The following NID2 variants were observed in gnomAD, a reference collection of about 807,000 sequenced individuals.
The protein encoded by NID2 is nidogen-2.
A neutral mutation model predicts 145.4 loss-of-function variants in NID2; 83 were observed. The observed-to-expected ratio is 0.57, with a 90% CI of 0.48 to 0.69. The LOEUF (loss-of-function observed/expected upper bound fraction) is 0.69. Ranked by LOEUF, NID2 falls within the 30% of genes least tolerant of loss-of-function variation. NID2 has a pLI of 0.00. For synonymous variants in NID2, 739 were observed against 701.3 expected, an observed-to-expected ratio of 1.05 and a Z score of -0.85; for missense variants, 1,807 against 1,765.7, an observed-to-expected ratio of 1.02 and a Z score of -0.42.
At chr14:52,043,083 G>T in intron 5 of NID2, 152 bp from the exon 6 acceptor site, 1 of 718,482 alleles carries the variant, frequency 1.4e-6, no homozygotes, top group Non-Finnish European at 2.3e-6. Context: ...CAACCCAAGG[G>T]AATTAATCTG....
intron 9 of NID2, among the ~76,000 whole-genome samples, chr14:52,031,349 C>T (rs186466105): frequency 5.2e-4 from 79 of 152,290 alleles, no homozygotes; most frequent in Admixed American, 3.3e-3. Context: ...CAGGTCTACC[C>T]AGTCTCTACT....
At position 52,019,133 on chromosome 14, in the gene NID2, G is replaced by T; in HGVS notation, c.2956C>A (p.Pro986Thr). The T allele has an allele frequency of 1.9e-6, 3 of 1,614,110 alleles. No individual in the cohort carries two copies. The highest frequency in any genetic ancestry group is 2.5e-6 in the Non-Finnish European group (3 of 1,180,010). The change falls in exon 14 of 22, where the codon CCT becomes ACT. Residue 986 changes from proline to threonine, a missense_variant. By Grantham distance (38) the Pro-to-Thr change is conservative. Transcript: ENST00000216286. ...GSTGFCWCVD[P>T]DGHEVPGTQT... ...GTACCAGGAACTTCATGACCATCAG[G>T]GTCCACGCACCAGCAGAAACCAGTG... is the stretch of plus-strand genomic sequence containing the variant.
At chr14:52,063,124 A>C (rs1893066335) in intron 2 of NID2, among the ~76,000 whole-genome samples, 1 of 152,338 alleles carries the variant, frequency 6.6e-6, no homozygotes, top group South Asian at 2.1e-4. Flanking sequence ...CACTTCATGA[A>C]GTCTTGAAGG....
intron 13 of NID2, 136 bp from the exon 14 acceptor site, chr14:52,019,430 G>T: frequency 1.6e-6 from 1 of 640,102 alleles, no homozygotes; most frequent in South Asian, 2.3e-5. Context: ...ATAATACCTT[G>T]CCACTATTTA....
In NID2 at chr14:52,069,008, TG is replaced by T; in HGVS notation, c.-15del. The T allele has an allele frequency of 6.3e-7, 1 of 1,591,988 alleles. No individual in the cohort carries two copies. ...GTCCCCCTCCATGCTCGCTCGGCCGTGCGCTTACCCGCTGCACAACGCGTCC... is the reference window on the plus strand; with the variant it reads ...GTCCCCCTCCATGCTCGCTCGGCCGTCGCTTACCCGCTGCACAACGCGTCC... On this transcript the variant is annotated 5_prime_UTR_variant, in exon 1 of 22. Transcript: ENST00000216286.
intron 6 of NID2, 72 bp downstream of exon 6, chr14:52,042,710 C>T: frequency 6.7e-7 from 1 of 1,493,786 alleles, no homozygotes; most frequent in South Asian, 1.2e-5. Flanking sequence ...TAAAGCAGAG[C>T]TCACAGTGGT....
intron 5 of NID2, among the ~76,000 whole-genome samples, chr14:52,047,363 C>T (rs547600778): frequency 6.6e-6 from 1 of 152,072 alleles, no homozygotes; most frequent in African/African-American, 2.4e-5. Context: ...GTGAACCCCA[C>T]AGATGAGGGC....
intron 5 of NID2, among the ~76,000 whole-genome samples, chr14:52,044,741 T>A (rs960554023): frequency 5.3e-5 from 8 of 151,940 alleles, no homozygotes; most frequent in African/African-American, 1.7e-4. Context: ...GCCTTTTGAG[T>A]AGCCGCAGCC....
Position 52,067,922 on chromosome 14 carries a change from A to G in NID2, c.470T>C (p.Leu157Pro). 6.2e-7 allele frequency: 1 copy of G among 1,612,804 alleles called. No homozygotes were observed. ...AGCGCCTACCTGCTCCCAGGTGGCC[A>G]GGAAGGCGTGGGTGGGGGTAAAGCG... The part of the protein sequence containing the change: ...SARFTPTHAF[L>P]ATWEQVGAYE... Residue 157 changes from leucine (L) to proline (P), a missense_variant, in exon 2 of 22, where the codon CTG (leucine) becomes CCG (proline). Transcript: ENST00000216286.
chr14:52,065,322 T>C (rs1359530885), intron 2 of NID2, among the ~76,000 whole-genome samples: 1 of 152,140 alleles, frequency 6.6e-6, no homozygotes, highest in Non-Finnish European at 1.5e-5. Context: ...CAAATTAGAT[T>C]ACTGTTTGCC....
rs1566755720 is a variant in NID2, at chr14:52,030,582, GAA to G, written c.2258-894_2258-893del. The stretch of plus-strand genomic sequence containing the variant: ...AAAGAAAGAAAGGAAGGAAGGGAAA[GAA>G]AGAAAGAAAGAAAGAAAGAAAGAGA... On this transcript the variant is annotated intron_variant, in intron 9 of 21. Transcript: ENST00000216286. Among the ~76,000 whole-genome samples the G allele has an allele frequency of 4.5e-3, 15 of 3,302 alleles. No homozygotes were observed. The East Asian group carries it at 0.08, about 18-fold the overall frequency. The allele number at this position is 3,302 out of a possible 152,430, so 2.2% of individuals were successfully genotyped here.
Position 52,068,076 on chromosome 14 carries a change from T to A in NID2, c.316A>T (p.Ile106Phe), listed in dbSNP as rs750727672. The change falls in exon 2 of 22, where the codon ATC (isoleucine) becomes TTC (phenylalanine). Residue 106 changes from isoleucine (I) to phenylalanine (F), a missense_variant. Coordinates refer to ENST00000216286, the MANE Select transcript of NID2 (RefSeq NM_007361.4). ...DYDFPTDFPA[I>F]APFLADIDTS... ...TCGATGTCCGCCAGAAAAGGGGCGA[T>A]GGCCGGGAAGTCGGTGGGGAAATCA... is the stretch of plus-strand genomic sequence containing the variant. The A allele has an allele frequency of 6.2e-7, 1 of 1,613,716 alleles. No homozygotes were observed. Among genetic ancestry groups the A allele is most frequent in the East Asian group, 2.2e-5 (1 of 44,882 alleles).
Position 52,042,102 on chromosome 14 carries a change from C to A in NID2, c.1825+3G>T, listed in dbSNP as rs765764095. 1.9e-6 allele frequency: 3 copies of A among 1,584,758 alleles called. No homozygotes were observed. Among genetic ancestry groups the A allele is most frequent in the South Asian group, 1.2e-5 (1 of 85,442 alleles). On this transcript the variant is annotated splice_donor_region_variant and intron_variant, in intron 7 of 21. Coordinates refer to ENST00000216286, the MANE Select transcript of NID2 (RefSeq NM_007361.4). ...TACCGGCCTTCTCAGAGGCCCTACT[C>A]ACCTGCGAGGCTGAAGCCGTTCTCA...
At chr14:52,039,709 G>A (rs375000485) in intron 8 of NID2, among the ~76,000 whole-genome samples, 390 of 152,328 alleles carry the variant, frequency 2.6e-3, no homozygotes, top group Non-Finnish European at 3.6e-3. Flanking sequence ...TGTGATGGAG[G>A]CAGCATCCTG....
chr14:52,048,716 G>A (rs1347547717), intron 5 of NID2, among the ~76,000 whole-genome samples: 3 of 152,170 alleles, frequency 2.0e-5, no homozygotes, highest in Admixed American at 6.5e-5. Flanking sequence ...AGAGGAATAT[G>A]GCAGGGTCAG....
At position 52,068,000 on chromosome 14, in the gene NID2, G is replaced by A. The variant is rs980675259; in HGVS notation, c.392C>T (p.Ala131Val). 2.5e-6 allele frequency: 4 copies of A among 1,612,392 alleles called. No homozygotes were observed. The Admixed American group carries it at 5.0e-5, about 20-fold the overall frequency. Residue 131 changes from alanine to valine, a missense_variant, in exon 2 of 22, where the codon GCA becomes GTA. By Grantham distance (64) the Ala-to-Val change is moderately conservative. Coordinates refer to ENST00000216286, the MANE Select transcript of NID2 (RefSeq NM_007361.4). Reference sequence around the variant, plus strand: ...ATAGCGGGCGGCCAGGCCCAGCACTGCGGGGGAGGTGTCCTCTCGGTACAG... The same window carrying A: ...ATAGCGGGCGGCCAGGCCCAGCACTACGGGGGAGGTGTCCTCTCGGTACAG... ...RVLYREDTSP[A>V]VLGLAARYVR...
At chr14:52,033,757 T>C (rs1337263376) in intron 9 of NID2, among the ~76,000 whole-genome samples, 1 of 152,240 alleles carries the variant, frequency 6.6e-6, no homozygotes, top group African/African-American at 2.4e-5. Context: ...ACAGTACTGC[T>C]GTGTGTGGAT....
intron 3 of NID2, among the ~76,000 whole-genome samples, chr14:52,057,322 C>T (rs1595053412): frequency 6.6e-6 from 1 of 152,328 alleles, no homozygotes; most frequent in East Asian, 1.9e-4. Flanking sequence ...GGATTAGAAC[C>T]ACCTTGCCCA....
At chr14:52,023,600 C>T (rs1891477334) in intron 12 of NID2, among the ~76,000 whole-genome samples, 1 of 152,150 alleles carries the variant, frequency 6.6e-6, no homozygotes, top group Admixed American at 6.5e-5. Context: ...ACCCAGCTTC[C>T]TCCACTCACA....
Sources: gnomAD v4.1 joint callset for allele counts (sites outside exome capture counted in the v4.1 genomes callset) on GRCh38, gnomAD v4.1.1 for gene constraint, MANE v1.5 for transcripts, NCBI Gene and HGNC (gene_info 2026-07-23, HGNC 2026-07-21) for gene names.